KCNQ1: variants seen among roughly 807,000 people sequenced by gnomAD.
KCNQ1 encodes potassium voltage-gated channel subfamily KQT member 1.
In KCNQ1, 49 loss-of-function variants were observed where a neutral mutation model predicts 72.4. The ratio of observed to expected loss-of-function variants is 0.68; its 90% CI spans 0.54 to 0.86. The LOEUF is 0.86. KCNQ1 is among the 40% of genes least tolerant of loss of function. The probability of loss-of-function intolerance (pLI) is 0.00; values close to 1 mark genes in which losing one functional copy is unlikely to be tolerated. For synonymous variants in KCNQ1, 450 were observed against 412.6 expected, an observed-to-expected ratio of 1.09 and a Z score of -1.10; for missense variants, 790 against 945.1, an observed-to-expected ratio of 0.84 and a Z score of 2.15.
At chr11:2,802,928 G>A (rs566657453) in intron 15 of KCNQ1, among the ~76,000 whole-genome samples, 12 of 152,334 alleles carry the variant, frequency 7.9e-5, no homozygotes, top group Middle Eastern at 3.4e-3. Context: ...AGGCCAGACC[G>A]GCCAGCCAGG....
In KCNQ1 at chr11:2,766,079, C is replaced by T. The variant is rs1846493659; in HGVS notation, c.1515-2765C>T. ...ACTCACCTATTGCATTCTTCATTTC[C>T]ATTATGGTCCTTACTTTTCTGGAAC... On this transcript the variant is annotated intron_variant, in intron 11 of 15. Coordinates refer to ENST00000155840, the MANE Select transcript of KCNQ1 (RefSeq NM_000218.3). The surrounding 1 kb of genome is among the most constrained non-coding windows in gnomAD (Gnocchi z 4.4). Among the ~76,000 whole-genome samples the T allele has an allele frequency of 6.6e-6, 1 of 152,154 alleles. No homozygotes were observed. Among genetic ancestry groups the T allele is most frequent in the South Asian group, 2.1e-4 (1 of 4,824 alleles).
chr11:2,526,875 G>A lies in KCNQ1; in HGVS notation c.387-1053G>A, dbSNP rs1248600223. ...CTATGCCAGGCAGAGGATCTATGCCGGGGCCCCCAGGGTCTGTGTGTGGCT... is the reference window on the plus strand; with the variant it reads ...CTATGCCAGGCAGAGGATCTATGCCAGGGCCCCCAGGGTCTGTGTGTGGCT... On this transcript the variant is annotated intron_variant, in intron 1 of 15. Transcript: ENST00000155840. The surrounding 1 kb of genome is among the most constrained non-coding windows in gnomAD (Gnocchi z 6.1). Among the ~76,000 whole-genome samples the A allele has an allele frequency of 2.0e-5, 3 of 152,100 alleles. No homozygotes were observed. The highest frequency in any genetic ancestry group is 6.5e-5 in the Admixed American group (1 of 15,286).
In KCNQ1 at chr11:2,768,978, G is replaced by A; in HGVS notation, c.1590+59G>A. 7.4e-7 allele frequency: 1 copy of A among 1,357,620 alleles called. No homozygotes were observed. The highest frequency in any genetic ancestry group is 1.1e-6 in the Non-Finnish European group (1 of 948,114). 84.1% of individuals were successfully genotyped at this position (1,357,620 alleles called of 1,614,324 possible). ...CTGCCCCTCGCAGCCTGATGCAGCTGCCCACACCTCTCCTGGGTTCTCTCC... is the reference window on the plus strand; with the variant it reads ...CTGCCCCTCGCAGCCTGATGCAGCTACCCACACCTCTCCTGGGTTCTCTCC... On this transcript the variant is annotated intron_variant, in intron 12 of 15. Coordinates refer to ENST00000155840, the MANE Select transcript of KCNQ1 (RefSeq NM_000218.3). The surrounding 1 kb of genome is among the most constrained non-coding windows in gnomAD (Gnocchi z 6.7).
At chr11:2,776,838 G>C in intron 13 of KCNQ1, 148 bp from the exon 14 acceptor site, 1 of 774,598 alleles carries the variant, frequency 1.3e-6, no homozygotes, top group African/African-American at 1.7e-5. Context: ...GGAGTGACCT[G>C]GCAGGCCTTA....
chr11:2,776,535 GGAGCTAATGT>G (rs1360187035), intron 13 of KCNQ1, among the ~76,000 whole-genome samples: 5 of 152,206 alleles, frequency 3.3e-5, no homozygotes, highest in Admixed American at 3.3e-4. Context: ...CTGACTGTGG[GGAGCTAATGT>G]GTTCCCATGG....
chr11:2,629,502 T>C (rs1849317504), intron 10 of KCNQ1: 2 of 398,406 alleles, frequency 5.0e-6, no homozygotes, highest in Non-Finnish European at 4.4e-6. Flanking sequence ...GAGTTAATTT[T>C]TGTATATGGA....
intron 11 of KCNQ1, among the ~76,000 whole-genome samples, chr11:2,707,945 T>C (rs1296772996): frequency 1.3e-5 from 2 of 152,214 alleles, no homozygotes; most frequent in Non-Finnish European, 2.9e-5. Flanking sequence ...CGAACCTGCA[T>C]GTGCCACCCC....
At chr11:2,453,128 C>T (rs2133570295) in intron 1 of KCNQ1, among the ~76,000 whole-genome samples, 1 of 152,348 alleles carries the variant, frequency 6.6e-6, no homozygotes, top group South Asian at 2.1e-4. Context: ...AATCCCAGCA[C>T]TTTGGGAGGC....
In KCNQ1 at chr11:2,613,813, A is replaced by G. The variant is rs535336765; in HGVS notation, c.1393+24959A>G. 65 of 398,462 alleles carry G rather than the reference A, an allele frequency of 1.6e-4. No individual in the cohort carries two copies. Among genetic ancestry groups the G allele is most frequent in the Middle Eastern group, 6.3e-4 (1 of 1,588 alleles). The allele number at this position is 398,462 out of a possible 1,614,324, so 24.7% of individuals were successfully genotyped here. A position where few individuals can be genotyped will look rare whatever the true frequency, so the allele number is the denominator to read the frequency against. Reference sequence around the variant, plus strand: ...TCTTCCATCCTAATTCCCCCTACCCATTATAGGTAACCAGTTTCAGTGTTT... The same window carrying G: ...TCTTCCATCCTAATTCCCCCTACCCGTTATAGGTAACCAGTTTCAGTGTTT... On this transcript the variant is annotated intron_variant, in intron 10 of 15. Coordinates refer to ENST00000155840, the MANE Select transcript of KCNQ1 (RefSeq NM_000218.3). This position sits in a 1 kb window ranked among gnomAD's most constrained non-coding sequence, Gnocchi z 4.8.
At chr11:2,570,186 C>T (rs960330450) in intron 2 of KCNQ1, among the ~76,000 whole-genome samples, 2 of 140,810 alleles carry the variant, frequency 1.4e-5, no homozygotes, top group Admixed American at 6.8e-5. Context: ...TGTGGGGCCC[C>T]CTCTGACCCA....
rs1460928056 is a variant in KCNQ1, at chr11:2,766,047, C to G, written c.1515-2797C>G. Among the ~76,000 whole-genome samples the G allele has an allele frequency of 6.6e-6, 1 of 152,200 alleles. No homozygotes were observed. Among genetic ancestry groups the G allele is most frequent in the Non-Finnish European group, 1.5e-5 (1 of 68,034 alleles). ...ATTCTTTTCTACTCTGTCGTCCCTG[C>G]TATCCAACTCACCTATTGCATTCTT... On this transcript the variant is annotated intron_variant, in intron 11 of 15. Coordinates refer to ENST00000155840, the MANE Select transcript of KCNQ1 (RefSeq NM_000218.3). The surrounding 1 kb of genome is among the most constrained non-coding windows in gnomAD (Gnocchi z 4.4).
At chr11:2,448,576 G>C (rs1846077748) in intron 1 of KCNQ1, among the ~76,000 whole-genome samples, 1 of 152,236 alleles carries the variant, frequency 6.6e-6, no homozygotes, top group African/African-American at 2.4e-5. Context: ...CAGTTGTTCT[G>C]CAGCTGGGCA....
At position 2,803,163 on chromosome 11, in the gene KCNQ1, C is replaced by CTCG. The variant is rs879495099; in HGVS notation, c.1794+25126_1794+25127insTCG. ...CAGAAAACCCAGCCGGGCCCCCCCCCCCACGGGCACCCAGGAACCGCCCTG... is the reference window on the plus strand; with the variant it reads ...CAGAAAACCCAGCCGGGCCCCCCCCCTCGCCACGGGCACCCAGGAACCGCCCTG... On this transcript the variant is annotated intron_variant, in intron 15 of 15. Coordinates refer to ENST00000155840, the MANE Select transcript of KCNQ1 (RefSeq NM_000218.3). This position sits in a 1 kb window ranked among gnomAD's most constrained non-coding sequence, Gnocchi z 6.4. Among the ~76,000 whole-genome samples the CTCG allele has an allele frequency of 0.02, 3,020 of 151,758 alleles. 112 individuals carry two copies. Among genetic ancestry groups the CTCG allele is most frequent in the African/African-American group, 0.07 (2,866 of 41,186 alleles).
chr11:2,733,863 C>T (rs1312829433), intron 11 of KCNQ1, among the ~76,000 whole-genome samples: 2 of 105,404 alleles, frequency 1.9e-5, no homozygotes, highest in Non-Finnish European at 2.0e-5. Flanking sequence ...CTCTCCCCCC[C>T]CACTTCAGGG....
At position 2,468,356 on chromosome 11, in the gene KCNQ1, A is replaced by G. The variant is rs923798869; in HGVS notation, c.386+22872A>G. ...GAGATGGGGTCTTGCTATATTGCCCAGTCTAGTCTCAAGCTCCTGAGCTCA... is the reference window on the plus strand; with the variant it reads ...GAGATGGGGTCTTGCTATATTGCCCGGTCTAGTCTCAAGCTCCTGAGCTCA... On this transcript the variant is annotated intron_variant, in intron 1 of 15. Coordinates refer to ENST00000155840, the MANE Select transcript of KCNQ1 (RefSeq NM_000218.3). The surrounding 1 kb of genome is among the most constrained non-coding windows in gnomAD (Gnocchi z 5.7). Among the ~76,000 whole-genome samples the G allele has an allele frequency of 1.3e-5, 2 of 152,200 alleles. No homozygotes were observed. The highest frequency in any genetic ancestry group is 6.5e-5 in the Admixed American group (1 of 15,286).
intron 10 of KCNQ1, chr11:2,648,892 G>A: frequency 2.5e-6 from 1 of 396,098 alleles, no homozygotes; most frequent in Non-Finnish European, 4.4e-6. Context: ...CTCCAGTGTT[G>A]TTGGTTGCAT....
At chr11:2,643,082 A>G in intron 10 of KCNQ1, 1 of 398,172 alleles carries the variant, frequency 2.5e-6, no homozygotes, top group South Asian at 1.3e-4. Flanking sequence ...GTCCTAACAT[A>G]TAATGTATCC....
At position 2,711,547 on chromosome 11, in the gene KCNQ1, C is replaced by T. The variant is rs756827962; in HGVS notation, c.1514+49466C>T. Among the ~76,000 whole-genome samples, 2 of 152,106 alleles carry T rather than the reference C, an allele frequency of 1.3e-5. No homozygotes were observed. Among genetic ancestry groups the T allele is most frequent in the Non-Finnish European group, 2.9e-5 (2 of 68,028 alleles). ...AACCTTGGGTGTCGCCTGCCCAGAA[C>T]GGGGCTCTCGGAGGCCAGGGTGACT... is the stretch of plus-strand genomic sequence containing the variant. On this transcript the variant is annotated intron_variant, in intron 11 of 15. Transcript: ENST00000155840. This position sits in a 1 kb window ranked among gnomAD's most constrained non-coding sequence, Gnocchi z 5.4.
chr11:2,489,147 A>C (rs947237114), intron 1 of KCNQ1, among the ~76,000 whole-genome samples: 8 of 152,196 alleles, frequency 5.3e-5, no homozygotes, highest in African/African-American at 1.9e-4. Context: ...AGAGGCACTG[A>C]AGAGGGCAAG....
Sources: allele counts gnomAD v4.1 joint callset (sites outside exome capture counted in the v4.1 genomes callset), GRCh38; gene constraint gnomAD v4.1.1; non-coding constraint Gnocchi (gnomAD v3.1); transcripts MANE v1.5; gene names NCBI Gene and HGNC (gene_info 2026-07-23, HGNC 2026-07-21).